Variants in RAB7B observed in about 807,000 individuals in gnomAD.
RAB7B encodes RAB7B, member RAS oncogene family.
At chr1:205,998,501 G>A (rs1660843367) in intron 1 of RAB7B, among the ~76,000 whole-genome samples, 1 of 152,218 alleles carries the variant, frequency 6.6e-6, no homozygotes, top group African/African-American at 2.4e-5. Flanking sequence ...CAAAACCCTA[G>A]GAGAGTTGGA....
chr1:205,992,865 A>T lies in RAB7B; in HGVS notation c.181-170T>A, dbSNP rs1033900487. Among the ~76,000 whole-genome samples, 27 of 152,096 alleles carry T rather than the reference A, an allele frequency of 1.8e-4. No homozygotes were observed. In the East Asian group the frequency reaches 5.2e-3, roughly 29 times the overall value. ...CACGTTGACCCTCCCACCCACATAC[A>T]CTCCAGCACCTTTGTGGTAACATTT... On this transcript the variant is annotated intron_variant, in intron 3 of 5. Transcript: ENST00000617070.
chr1:205,992,185 C>T (rs1030261534), intron 4 of RAB7B, among the ~76,000 whole-genome samples: 13 of 152,346 alleles, frequency 8.5e-5, no homozygotes, highest in African/African-American at 2.9e-4. Context: ...CAGCCCAGAA[C>T]CCAGCTCTTC....
Position 205,985,571 on chromosome 1 carries a change from A to G in RAB7B, c.491T>C (p.Phe164Ser), listed in dbSNP as rs1660577166. 3 of 398,732 alleles carry G rather than the reference A, an allele frequency of 7.5e-6. No homozygotes were observed. The highest frequency in any genetic ancestry group is 1.3e-5 in the Non-Finnish European group (3 of 226,240). The allele number at this position is 398,732 out of a possible 1,614,324, so 24.7% of individuals were successfully genotyped here. A position where few individuals can be genotyped will look rare whatever the true frequency, so the allele number is the denominator to read the frequency against. ...AKNDINVVQA[F>S]EMLASRALSR... is the part of the protein sequence containing the mutation. ...CAGAGCCCTACTGGCCAGCATCTCA[A>G]ACGCTTGCACCACATTGATGTCATT... The change falls in exon 5 of 6, where the codon TTT (phenylalanine) becomes TCT (serine). Residue 164 changes from phenylalanine to serine, a missense_variant. By Grantham distance (155) the Phe-to-Ser change is radical. Transcript: ENST00000617070.
intron 4 of RAB7B, among the ~76,000 whole-genome samples, chr1:205,991,951 T>C (rs910310160): frequency 5.2e-4 from 79 of 152,364 alleles, no homozygotes; most frequent in African/African-American, 1.9e-3. Flanking sequence ...GTCCGGAATA[T>C]GCTTAAGCTA....
At chr1:205,986,349 ATCAGTTCCACTTTATAGAC>A (rs1160733058) in intron 4 of RAB7B, among the ~76,000 whole-genome samples, 1 of 152,242 alleles carries the variant, frequency 6.6e-6, no homozygotes, top group African/African-American at 2.4e-5. Flanking sequence ...GATAGGCATT[ATCAGTTCCACTTTATAGAC>A]AAAAACACTG....
chr1:205,993,789 G>A (rs1394214537), intron 2 of RAB7B, among the ~76,000 whole-genome samples: 1 of 152,222 alleles, frequency 6.6e-6, no homozygotes, highest in Non-Finnish European at 1.5e-5. Flanking sequence ...ATCTCACAGT[G>A]GTGGTCAGGT....
At chr1:205,984,171 C>T (rs1362876478) in intron 5 of RAB7B, 1 of 152,310 alleles carries the variant, frequency 6.6e-6, no homozygotes, top group African/African-American at 2.4e-5. Context: ...GAGAGGGACA[C>T]CTCTCTGCTT....
At chr1:205,982,206 C>T (rs1660507590) in intron 5 of RAB7B, among the ~76,000 whole-genome samples, 1 of 152,204 alleles carries the variant, frequency 6.6e-6, no homozygotes, top group African/African-American at 2.4e-5. Flanking sequence ...CTGCTTTCTC[C>T]TTTGTTCCCC....
At chr1:205,984,485 C>T (rs989766349) in intron 5 of RAB7B, among the ~76,000 whole-genome samples, 4 of 152,298 alleles carry the variant, frequency 2.6e-5, no homozygotes, top group South Asian at 4.2e-4. Context: ...ACCATTGCTG[C>T]GATGATCCTT....
At chr1:205,980,215 T>A (rs1217781321) in intron 5 of RAB7B, among the ~76,000 whole-genome samples, 2 of 152,152 alleles carry the variant, frequency 1.3e-5, no homozygotes, top group Non-Finnish European at 2.9e-5. Flanking sequence ...CCTGGTAGGA[T>A]CTTGGGACTA....
intron 1 of RAB7B, among the ~76,000 whole-genome samples, chr1:205,995,202 A>G (rs1660789917): frequency 6.6e-6 from 1 of 152,188 alleles, no homozygotes; most frequent in African/African-American, 2.4e-5. Flanking sequence ...GTGCATGTGT[A>G]CATATGTAAT....
At chr1:205,990,791 C>T (rs1235318285) in intron 4 of RAB7B, among the ~76,000 whole-genome samples, 14 of 138,630 alleles carry the variant, frequency 1.0e-4, no homozygotes, top group South Asian at 4.5e-4. Context: ...TTCTTTCTTT[C>T]TTTTTTTTTT....
Position 205,976,896 on chromosome 1 carries a change from C to T in RAB7B, c.*1955G>A, listed in dbSNP as rs1418571754. 6.6e-6 allele frequency: 1 copy of T among 152,218 alleles called. No homozygotes were observed. The highest frequency in any genetic ancestry group is 2.4e-5 in the African/African-American group (1 of 41,450). 9.4% of individuals were successfully genotyped at this position (152,218 alleles called of 1,614,324 possible). A position where few individuals can be genotyped will look rare whatever the true frequency, so the allele number is the denominator to read the frequency against. On this transcript the variant is annotated 3_prime_UTR_variant, in exon 6 of 6. Transcript: ENST00000617070. ...CTGTGTGATATGCAAAATGCCATTC[C>T]CATGAGGGCGCATCATGTTTCCCAG... is the stretch of plus-strand genomic sequence containing the variant.
chr1:205,993,624 T>G (rs1398704063), intron 2 of RAB7B, 78 bp from the exon 3 acceptor site: 1 of 397,346 alleles, frequency 2.5e-6, no homozygotes, highest in Non-Finnish European at 4.4e-6. Context: ...TCTCAGAATC[T>G]TCCCAGGCCC....
At chr1:205,994,256 C>T in intron 1 of RAB7B, 105 bp from the exon 2 acceptor site, 1 of 395,584 alleles carries the variant, frequency 2.5e-6, no homozygotes, top group Non-Finnish European at 4.5e-6. Flanking sequence ...AGTTACTGCC[C>T]TGGGCCCGGG....
intron 5 of RAB7B, chr1:205,983,656 T>C (rs1444816871): frequency 6.6e-6 from 1 of 152,126 alleles, no homozygotes; most frequent in Non-Finnish European, 1.5e-5. Context: ...AGGATTCAAA[T>C]CCAGGCCAGT....
intron 5 of RAB7B, among the ~76,000 whole-genome samples, chr1:205,979,550 C>G (rs944478658): frequency 0.21 from 31,914 of 152,100 alleles, 3,833 homozygotes; most frequent in Non-Finnish European, 0.28. Flanking sequence ...GCCTGCCCCC[C>G]CTCCCCAGTT....
chr1:205,999,398 A>T (rs1212297987), intron 1 of RAB7B, among the ~76,000 whole-genome samples: 1 of 152,272 alleles, frequency 6.6e-6, no homozygotes, highest in African/African-American at 2.4e-5. Flanking sequence ...CTAACTATCA[A>T]GGAAATTAAC....
At chr1:205,981,310 A>G (rs1223227844) in intron 5 of RAB7B, among the ~76,000 whole-genome samples, 2 of 152,228 alleles carry the variant, frequency 1.3e-5, no homozygotes, top group African/African-American at 4.8e-5. Flanking sequence ...TGGAACAACT[A>G]AATACCTAAT....
Sources: allele counts gnomAD v4.1 joint callset (sites outside exome capture counted in the v4.1 genomes callset), GRCh38; gene constraint gnomAD v4.1.1; transcripts MANE v1.5; gene names NCBI Gene and HGNC (gene_info 2026-07-23, HGNC 2026-07-21).